ESRRG: variants seen among roughly 807,000 people sequenced by gnomAD.
ESRRG encodes estrogen-related receptor gamma.
In ESRRG, 13 loss-of-function variants were observed where a neutral mutation model predicts 44.0. The ratio of observed to expected loss-of-function variants is 0.30; its 90% CI spans 0.19 to 0.47. The LOEUF (loss-of-function observed/expected upper bound fraction) is 0.47. Among genes scored for constraint, ESRRG ranks in the 20% least tolerant of loss-of-function variants. The probability of loss-of-function intolerance (pLI) is 1.00; values close to 1 mark genes in which losing one functional copy is unlikely to be tolerated. For missense variants in ESRRG, 395 were observed against 580.6 expected (o/e 0.68, Z 3.29); for synonymous variants, 215 against 214.6 (o/e 1.00, Z -0.02).
At chr1:216,796,880 A>T (rs926178208) in intron 2 of ESRRG, among the ~76,000 whole-genome samples, 2 of 152,022 alleles carry the variant, frequency 1.3e-5, no homozygotes, top group Non-Finnish European at 2.9e-5. Flanking sequence ...TCCTTTATTT[A>T]ATTTATTTAT....
intron 2 of ESRRG, among the ~76,000 whole-genome samples, chr1:216,656,169 A>C (rs2070500276): frequency 6.6e-6 from 1 of 152,198 alleles, no homozygotes; most frequent in Non-Finnish European, 1.5e-5. Flanking sequence ...TATTGTTCAC[A>C]GCATAGGATT....
At chr1:216,761,685 C>G (rs1209179765) in intron 2 of ESRRG, among the ~76,000 whole-genome samples, 2 of 152,158 alleles carry the variant, frequency 1.3e-5, no homozygotes, top group African/African-American at 4.8e-5. Context: ...TATTACCAAG[C>G]ATTAAAAGGC....
chr1:216,994,620 C>T (rs978440472), intron 1 of ESRRG, among the ~76,000 whole-genome samples: 3 of 152,116 alleles, frequency 2.0e-5, no homozygotes, highest in African/African-American at 7.2e-5. Context: ...CTCTCTGTAT[C>T]GCCCAGGCTG....
intron 2 of ESRRG, among the ~76,000 whole-genome samples, chr1:216,903,420 T>C (rs2059318345): frequency 8.5e-6 from 1 of 117,600 alleles, no homozygotes; most frequent in South Asian, 3.3e-4. Flanking sequence ...TGTGGTTGTG[T>C]GTGTTCAAGT....
chr1:216,756,662 A>G (rs1022761346), intron 2 of ESRRG, among the ~76,000 whole-genome samples: 1 of 152,082 alleles, frequency 6.6e-6, no homozygotes, highest in Non-Finnish European at 1.5e-5. Context: ...CCAAAGCTAC[A>G]GAACTTGCAA....
chr1:216,924,792 A>T (rs2062307808), intron 2 of ESRRG, among the ~76,000 whole-genome samples: 1 of 152,194 alleles, frequency 6.6e-6, no homozygotes, highest in Non-Finnish European at 1.5e-5. Flanking sequence ...TTGGGCAAAC[A>T]GGAAGCCGTA....
At chr1:217,117,596 A>G (rs540022971) in intron 1 of ESRRG, among the ~76,000 whole-genome samples, 85 of 152,276 alleles carry the variant, frequency 5.6e-4, no homozygotes, top group African/African-American at 2.0e-3. Flanking sequence ...AAAAATAAAT[A>G]AATAAATAAA....
chr1:216,772,461 C>A, intron 2 of ESRRG, among the ~76,000 whole-genome samples: 1 of 152,118 alleles, frequency 6.6e-6, no homozygotes, highest in East Asian at 1.9e-4. Context: ...TATCACTCTA[C>A]CTTTAACCAA....
intron 1 of ESRRG, among the ~76,000 whole-genome samples, chr1:216,720,580 T>C (rs547604864): frequency 6.6e-6 from 1 of 152,248 alleles, no homozygotes; most frequent in Non-Finnish European, 1.5e-5. Flanking sequence ...TTGTTGTTAC[T>C]GTTACTGTAT....
intron 3 of ESRRG, among the ~76,000 whole-genome samples, chr1:216,587,018 A>G (rs2056780884): frequency 6.6e-6 from 1 of 152,222 alleles, no homozygotes; most frequent in South Asian, 2.1e-4. Context: ...ATATCACATT[A>G]CTGATACTTC....
chr1:216,726,909 T>C (rs1213191825), upstream of ESRRG, among the ~76,000 whole-genome samples: 2 of 152,220 alleles, frequency 1.3e-5, no homozygotes, highest in East Asian at 3.9e-4. Context: ...AAGATTCCTC[T>C]AGTCATATAC....
At chr1:216,584,526 G>A (rs979576179) in intron 3 of ESRRG, among the ~76,000 whole-genome samples, 4 of 152,110 alleles carry the variant, frequency 2.6e-5, no homozygotes, top group African/African-American at 9.7e-5. Flanking sequence ...AAAGTGCTGG[G>A]ATTACAGGCG....
chr1:216,760,118 T>C (rs1481641568), intron 2 of ESRRG, among the ~76,000 whole-genome samples: 1 of 152,034 alleles, frequency 6.6e-6, no homozygotes, highest in East Asian at 1.9e-4. Flanking sequence ...TAGGGACTGG[T>C]CTGTCTTGTT....
At chr1:216,879,791 C>T (rs1297331810) in intron 2 of ESRRG, among the ~76,000 whole-genome samples, 1 of 152,164 alleles carries the variant, frequency 6.6e-6, no homozygotes. Flanking sequence ...CTGTCTCCAT[C>T]TCCCACTGCC....
At chr1:216,517,826 TAGA>T (rs1219635338) in intron 6 of ESRRG, among the ~76,000 whole-genome samples, 2 of 152,112 alleles carry the variant, frequency 1.3e-5, no homozygotes, top group African/African-American at 2.4e-5. Context: ...CACAGGAGCG[TAGA>T]AGAAGAGAGG....
At chr1:216,807,123 C>T (rs562947059) in intron 2 of ESRRG, among the ~76,000 whole-genome samples, 46 of 152,264 alleles carry the variant, frequency 3.0e-4, no homozygotes, top group African/African-American at 4.8e-4. Context: ...GGCAGACTTA[C>T]GCCATGGTTT....
At chr1:216,560,089 G>A (rs1374372022) in intron 5 of ESRRG, among the ~76,000 whole-genome samples, 2 of 151,970 alleles carry the variant, frequency 1.3e-5, no homozygotes, top group African/African-American at 4.8e-5. Context: ...TGGTTTATGT[G>A]GCTTAGATTT....
chr1:216,668,054 A>G (rs12027797), intron 2 of ESRRG, among the ~76,000 whole-genome samples: 48,894 of 150,202 alleles, frequency 0.33, 8,449 homozygotes, highest in South Asian at 0.52. Context: ...CCAAGATCAC[A>G]CCATTGCACT....
At chr1:217,007,674 TA>T (rs1387245736) in intron 1 of ESRRG, among the ~76,000 whole-genome samples, 1 of 152,214 alleles carries the variant, frequency 6.6e-6, no homozygotes, top group Non-Finnish European at 1.5e-5. Flanking sequence ...CTGAGCTTTC[TA>T]AACCTATCAA....
Sources: gnomAD v4.1 joint callset for allele counts (sites outside exome capture counted in the v4.1 genomes callset) on GRCh38, gnomAD v4.1.1 for gene constraint, MANE v1.5 for transcripts, NCBI Gene and HGNC (gene_info 2026-07-23, HGNC 2026-07-21) for gene names.